RASEF: variants seen among roughly 807,000 people sequenced by gnomAD.
The protein encoded by RASEF is ras and EF-hand domain-containing protein.
Under a neutral mutation model 90.1 loss-of-function variants are expected in RASEF, and 68 were observed. The observed-to-expected ratio is 0.75, with a 90% CI of 0.62 to 0.92. The LOEUF is 0.92. RASEF is among the 40% of genes least tolerant of loss of function. The pLI is 0.00. For missense variants in RASEF, 949 were observed against 937.2 expected, an observed-to-expected ratio of 1.01 and a Z score of -0.16; for synonymous variants, 331 against 345.2, an observed-to-expected ratio of 0.96 and a Z score of 0.46.
intron 7 of RASEF, 103 bp downstream of exon 7, chr9:83,007,334 C>A: frequency 1.1e-6 from 1 of 892,356 alleles, no homozygotes; most frequent in South Asian, 1.4e-5. Flanking sequence ...CCTGCAAACC[C>A]AGTGTTCAGA....
At chr9:83,211,024 A>G in the RASEF span, among the ~76,000 whole-genome samples, 3 of 152,264 alleles carry the variant, frequency 2.0e-5, no homozygotes, top group African/African-American at 7.2e-5. Context: ...CAAAAACAGG[A>G]AAGTAACATT....
intron 1 of RASEF, among the ~76,000 whole-genome samples, chr9:83,053,662 T>C (rs1830057727): frequency 7.0e-6 from 1 of 143,208 alleles, no homozygotes; most frequent in Non-Finnish European, 1.5e-5. Flanking sequence ...CATTTTGGCA[T>C]GATTTTGCAG....
At chr9:83,156,315 G>C in the RASEF span, among the ~76,000 whole-genome samples, 20 of 152,240 alleles carry the variant, frequency 1.3e-4, no homozygotes, top group Non-Finnish European at 2.6e-4. Flanking sequence ...CAGATAACAA[G>C]CACTCAATGA....
chr9:83,048,669 T>G, intron 1 of RASEF: 2 of 985,436 alleles, frequency 2.0e-6, no homozygotes, highest in Non-Finnish European at 1.2e-6. Flanking sequence ...TTGGGAGATT[T>G]AACATTTACT....
At chr9:83,065,950 A>G (rs1046617493), upstream of RASEF, among the ~76,000 whole-genome samples, 1 of 152,120 alleles carries the variant, frequency 6.6e-6, no homozygotes, top group East Asian at 1.9e-4. Flanking sequence ...CCTCCTTCCC[A>G]TTACAAAGAA....
the RASEF span, among the ~76,000 whole-genome samples, chr9:83,208,200 G>C: frequency 6.6e-6 from 1 of 152,114 alleles, no homozygotes; most frequent in African/African-American, 2.4e-5. Flanking sequence ...GGGCGTCCCT[G>C]CAGGCTGTAC....
the RASEF span, among the ~76,000 whole-genome samples, chr9:83,132,281 G>A: frequency 2.6e-5 from 4 of 152,152 alleles, no homozygotes; most frequent in Non-Finnish European, 5.9e-5. Flanking sequence ...AAGCCATGCT[G>A]TGAGGAAACC....
the RASEF span, among the ~76,000 whole-genome samples, chr9:83,206,319 C>T: frequency 6.6e-6 from 1 of 152,196 alleles, no homozygotes; most frequent in Non-Finnish European, 1.5e-5. Flanking sequence ...TTTTAATCTA[C>T]ACAGCATTCA....
the RASEF span, among the ~76,000 whole-genome samples, chr9:83,111,921 A>C: frequency 6.6e-6 from 1 of 152,008 alleles, no homozygotes; most frequent in Non-Finnish European, 1.5e-5. Flanking sequence ...AATAGCTGTA[A>C]TAGAGGCTAA....
chr9:83,167,974 T>C, the RASEF span, among the ~76,000 whole-genome samples: 1 of 152,178 alleles, frequency 6.6e-6, no homozygotes, highest in Non-Finnish European at 1.5e-5. Flanking sequence ...TGGACATTCA[T>C]GTACAAGTTT....
At chr9:83,039,903 TC>T (rs1250975099) in intron 1 of RASEF, among the ~76,000 whole-genome samples, 1 of 152,160 alleles carries the variant, frequency 6.6e-6, no homozygotes, top group Non-Finnish European at 1.5e-5. Flanking sequence ...TTTGGCTCTG[TC>T]CCCAGCCAAA....
At chr9:83,153,028 A>G in the RASEF span, among the ~76,000 whole-genome samples, 1 of 152,218 alleles carries the variant, frequency 6.6e-6, no homozygotes, top group African/African-American at 2.4e-5. Flanking sequence ...TAATTTTGCC[A>G]TGAAGGACCA....
chr9:83,195,894 T>C, the RASEF span, among the ~76,000 whole-genome samples: 799 of 152,194 alleles, frequency 5.2e-3, 5 homozygotes, highest in African/African-American at 0.018. Flanking sequence ...CAAAACAGCC[T>C]ACTGATAGGA....
upstream of RASEF, among the ~76,000 whole-genome samples, chr9:83,067,808 T>G (rs1377577025): frequency 6.6e-6 from 1 of 152,214 alleles, no homozygotes; most frequent in Non-Finnish European, 1.5e-5. Context: ...TTTCCCACAT[T>G]AGCAAACTGT....
the RASEF span, among the ~76,000 whole-genome samples, chr9:83,168,688 C>T: frequency 2.0e-5 from 3 of 152,100 alleles, no homozygotes; most frequent in African/African-American, 2.4e-5. Context: ...AAGGCATACA[C>T]ATGCTATCAG....
chr9:83,062,671 T>A lies in RASEF; in HGVS notation c.197A>T (p.Glu66Val). The A allele has an allele frequency of 6.4e-7, 1 of 1,573,826 alleles. No homozygotes were observed. Among genetic ancestry groups the A allele is most frequent in the Non-Finnish European group, 8.6e-7 (1 of 1,168,252 alleles). The change falls in exon 1 of 17, where the codon GAG becomes GTG. Residue 66 changes from glutamate to valine, a missense_variant. Physicochemically the swap from Glu to Val is moderately radical, Grantham distance 121 (BLOSUM62 -2). Coordinates refer to ENST00000376447, the MANE Select transcript of RASEF (RefSeq NM_152573.4). ...GGACCCGAGGAAGCCACGCGCGAAC[T>A]CCTGGAAGGTGATGGCGCCGTCACG... is the stretch of plus-strand genomic sequence containing the variant. Reference protein sequence around the residue: ...ADRDGAITFQEFARGFLGSLR... With the variant: ...ADRDGAITFQVFARGFLGSLR...
chr9:83,055,641 C>T (rs947823892), intron 1 of RASEF: 2 of 718,062 alleles, frequency 2.8e-6, no homozygotes, highest in Non-Finnish European at 5.2e-6. Flanking sequence ...TTATGAGATG[C>T]CTCACGAACA....
chr9:83,166,102 T>A, the RASEF span, among the ~76,000 whole-genome samples: 1 of 152,176 alleles, frequency 6.6e-6, no homozygotes, highest in Non-Finnish European at 1.5e-5. Flanking sequence ...AATATACAAA[T>A]CCTCTATAAT....
chr9:83,174,407 ATTCT>A, the RASEF span, among the ~76,000 whole-genome samples: 1,109 of 152,204 alleles, frequency 7.3e-3, 13 homozygotes, highest in African/African-American at 0.025. Context: ...TTAAAAGACT[ATTCT>A]TTCTTCATTG....
Sources: gnomAD v4.1 joint callset for allele counts (sites outside exome capture counted in the v4.1 genomes callset) on GRCh38, gnomAD v4.1.1 for gene constraint, MANE v1.5 for transcripts, NCBI Gene and HGNC (gene_info 2026-07-23, HGNC 2026-07-21) for gene names.